ZBTB4: variants seen among roughly 807,000 people sequenced by gnomAD.
The protein encoded by ZBTB4 is zinc finger and BTB domain containing 4.
ZBTB4 carries 14 observed loss-of-function variants against 59.8 expected under a neutral mutation model. That is an observed-to-expected ratio of 0.23 (90% CI 0.15 to 0.37). The LOEUF (loss-of-function observed/expected upper bound fraction) is 0.37. Ranked by LOEUF, ZBTB4 falls within the 10% of genes least tolerant of loss-of-function variation. The pLI is 1.00. For missense variants in ZBTB4, 1,198 were observed against 1,380.8 expected, an observed-to-expected ratio of 0.87 and a Z score of 2.10; for synonymous variants, 587 against 575.2, an observed-to-expected ratio of 1.02 and a Z score of -0.29.
Position 7,463,708 on chromosome 17 carries a change from C to T in ZBTB4, c.1274G>A (p.Arg425Gln), listed in dbSNP as rs2070071062. ...YRLLPMRAAK[R>Q]PYKTYSQGAP... ...TCCCTGGCTGTAGGTCTTGTAGGGC[C>T]GCTTGGCTGCCCGCATGGGGAGCAG... is the stretch of plus-strand genomic sequence containing the variant. The change falls in exon 4 of 4, where the codon CGG (arginine) becomes CAG (glutamine). Residue 425 changes from arginine (R) to glutamine (Q), a missense_variant. Arg to Gln is a conservative substitution (Grantham distance 43, BLOSUM62 1). Around this residue, in one of 9 missense-constraint regions of ZBTB4, gnomAD observed 60 missense variants for 93.0 expected, o/e 0.64. Coordinates refer to ENST00000380599, the MANE Select transcript of ZBTB4 (RefSeq NM_001128833.2). The T allele has an allele frequency of 1.2e-6, 2 of 1,613,918 alleles. No homozygotes were observed. The highest frequency in any genetic ancestry group is 2.2e-5 in the East Asian group (1 of 44,874).
At chr17:7,465,686 T>TC (rs1390195657) in intron 3 of ZBTB4, 25 bp downstream of exon 3, 1 of 1,568,946 alleles carries the variant, frequency 6.4e-7, no homozygotes, top group Non-Finnish European at 8.7e-7. Context: ...CTCCAGCCGC[T>TC]CCCCCGCCAG....
chr17:7,467,966 A>G (rs1158809387), intron 1 of ZBTB4, among the ~76,000 whole-genome samples: 1 of 152,230 alleles, frequency 6.6e-6, no homozygotes, highest in African/African-American at 2.4e-5. Flanking sequence ...CCACAAGACC[A>G]GGAGGCCTGG....
upstream of ZBTB4, chr17:7,484,229 G>C (rs1015718754): frequency 1.3e-5 from 2 of 157,692 alleles, no homozygotes; most frequent in African/African-American, 2.4e-5. Context: ...ACCAGCGAGC[G>C]GGGGGTTTAC....
rs2070119623 is a variant in ZBTB4 at position 7,466,140 on chromosome 17, T to C, written c.662A>G (p.Gln221Arg). 1 of 1,611,898 alleles carries C rather than the reference T, an allele frequency of 6.2e-7. No homozygotes were observed. Among genetic ancestry groups the C allele is most frequent in the Non-Finnish European group, 8.5e-7 (1 of 1,179,224 alleles). The change falls in exon 3 of 4, where the codon CAG becomes CGG. Residue 221 changes from glutamine to arginine, a missense_variant. By Grantham distance (43) the Gln-to-Arg change is conservative. Transcript: ENST00000380599. This position sits in a 1 kb window ranked among gnomAD's most constrained non-coding sequence, Gnocchi z 9.1. ...GEWEGDRAEA[Q>R]APDLQCSLPR... ...CAGGGAGCACTGCAAGTCAGGGGCC[T>C]GGGCCTCAGCCCTGTCACCCTCCCA...
chr17:7,478,288 T>A (rs2070297023), intron 1 of ZBTB4, among the ~76,000 whole-genome samples: 1 of 152,136 alleles, frequency 6.6e-6, no homozygotes, highest in South Asian at 2.1e-4. Flanking sequence ...TAAACACAAC[T>A]GGCGCATTCC....
chr17:7,481,570 G>C, upstream of ZBTB4: 1 of 1,368,200 alleles, frequency 7.3e-7, no homozygotes, highest in South Asian at 1.5e-5. Flanking sequence ...GCTCCTGGTT[G>C]CTCCATTTCC....
chr17:7,465,262 T>A (rs952230262), intron 3 of ZBTB4, among the ~76,000 whole-genome samples: 2 of 149,896 alleles, frequency 1.3e-5, no homozygotes, highest in Non-Finnish European at 3.0e-5. Flanking sequence ...TTCAAGACCA[T>A]CCTGACCAAC....
At position 7,462,182 on chromosome 17, in the gene ZBTB4, A is replaced by G. The variant is rs887392709; in HGVS notation, c.2800T>C (p.Tyr934His). ...LVYGPQLLAA[Y>H]PYNFSNLAAL... ...GCCAAGTTACTGAAGTTGTAAGGGT[A>G]GGCGGCAAGGAGCTGGGGGCCATAG... Residue 934 changes from tyrosine (Y) to histidine (H), a missense_variant, in exon 4 of 4, where the codon TAC becomes CAC. Around this residue, in one of 9 missense-constraint regions of ZBTB4, gnomAD observed 211 missense variants for 236.1 expected, o/e 0.89. Transcript: ENST00000380599. This position sits in a 1 kb window ranked among gnomAD's most constrained non-coding sequence, Gnocchi z 7.5. 3 of 1,613,712 alleles carry G rather than the reference A, an allele frequency of 1.9e-6. No homozygotes were observed. The highest frequency in any genetic ancestry group is 2.5e-6 in the Non-Finnish European group (3 of 1,179,900).
rs772548094 is a variant in ZBTB4 at position 7,462,831 on chromosome 17, C to T, written c.2151G>A (p.Ala717=). The T allele has an allele frequency of 1.6e-5, 25 of 1,603,178 alleles. No individual in the cohort carries two copies. Among genetic ancestry groups the T allele is most frequent in the South Asian group, 4.4e-5 (4 of 91,060 alleles). Residue 717 remains alanine (A), a synonymous_variant, in exon 4 of 4, where the codon GCG becomes GCA. Transcript: ENST00000380599. This position sits in a 1 kb window ranked among gnomAD's most constrained non-coding sequence, Gnocchi z 7.5. Reference sequence around the variant, plus strand: ...GCCTCCGCTCTGTGCGGGCACGTCCCGCTGGGCTCTCGGCCGCTGGGGTTT... The same window carrying T: ...GCCTCCGCTCTGTGCGGGCACGTCCTGCTGGGCTCTCGGCCGCTGGGGTTT... The part of the protein sequence containing the change: ...WEETPAAESP[A]GRARTERRHR...
At chr17:7,481,969 G>T (rs776946079), upstream of ZBTB4, 2 of 1,570,142 alleles carry the variant, frequency 1.3e-6, no homozygotes, top group Non-Finnish European at 1.7e-6. Flanking sequence ...TCTACCCTGA[G>T]CTCCTTTCTC....
At position 7,463,246 on chromosome 17, in the gene ZBTB4, C is replaced by A; in HGVS notation, c.1736G>T (p.Gly579Val). The A allele has an allele frequency of 6.2e-7, 1 of 1,611,932 alleles. No individual in the cohort carries two copies. The highest frequency in any genetic ancestry group is 8.5e-7 in the Non-Finnish European group (1 of 1,179,486). Residue 579 changes from glycine to valine, a missense_variant, in exon 4 of 4, where the codon GGT (glycine) becomes GTT (valine). Gly to Val is a moderately radical substitution (Grantham distance 109, BLOSUM62 -3). This residue lies in a region of ZBTB4 where 550 missense variants were observed against 541.8 expected (regional missense o/e 1.02). Coordinates refer to ENST00000380599, the MANE Select transcript of ZBTB4 (RefSeq NM_001128833.2). ...TYTAKPVGGI[G>V]GGGGPPTGAG... ...CCCTGTGGGGGGACCCCCACCTCCA[C>A]CAATCCCGCCCACTGGCTTGGCTGT...
At chr17:7,481,358 A>G, upstream of ZBTB4, 9 of 1,167,638 alleles carry the variant, frequency 7.7e-6, no homozygotes, top group Non-Finnish European at 8.8e-6. Context: ...AAAGAAAGAA[A>G]AGAAGCAGAG....
chr17:7,463,020 TTCCTCCTCATCCTCC>T lies in ZBTB4; in HGVS notation c.1947_1961del (p.Glu650_Glu654del), dbSNP rs1282683186. ...GCTGGTCCTCCCCACCAGCCTTTGATTCCTCCTCATCCTCCTCCTCCTCCTCTTCGTCCTCCTCCT... is the reference window on the plus strand; with the variant it reads ...GCTGGTCCTCCCCACCAGCCTTTGATTCCTCCTCCTCTTCGTCCTCCTCCT... On this transcript the variant is annotated inframe_deletion, in exon 4 of 4. Transcript: ENST00000380599. 1.2e-6 allele frequency: 2 copies of T among 1,611,350 alleles called. No individual in the cohort carries two copies. The highest frequency in any genetic ancestry group is 1.7e-6 in the Non-Finnish European group (2 of 1,179,610).
At chr17:7,470,087 T>A (rs113621898) in intron 1 of ZBTB4, among the ~76,000 whole-genome samples, 295 of 150,936 alleles carry the variant, frequency 2.0e-3, no homozygotes, top group Non-Finnish European at 2.4e-3. Context: ...TCTCAAAAAA[T>A]AAATAAATAA....
chr17:7,470,275 A>G (rs890747440), intron 1 of ZBTB4, among the ~76,000 whole-genome samples: 2 of 151,868 alleles, frequency 1.3e-5, no homozygotes, highest in East Asian at 1.9e-4. Flanking sequence ...GTGTGCACCT[A>G]TAGTTCCAGC....
Position 7,462,800 on chromosome 17 carries a change from A to G in ZBTB4, c.2182T>C (p.Cys728Arg), listed in dbSNP as rs752630576. The G allele has an allele frequency of 6.2e-7, 1 of 1,602,582 alleles. No individual in the cohort carries two copies. The stretch of plus-strand genomic sequence containing the variant: ...GTGAAGGTCTGGGCACAGTCCCCGC[A>G]TCGGTGCCTCCGCTCTGTGCGGGCA... ...GRARTERRHR[C>R]GDCAQTFTTL... The change falls in exon 4 of 4, where the codon TGC becomes CGC. Residue 728 changes from cysteine (C) to arginine (R), a missense_variant. Physicochemically the swap from Cys to Arg is radical, Grantham distance 180. Around this residue, in one of 9 missense-constraint regions of ZBTB4, gnomAD observed 550 missense variants for 541.8 expected, o/e 1.02. Coordinates refer to ENST00000380599, the MANE Select transcript of ZBTB4 (RefSeq NM_001128833.2). This position sits in a 1 kb window ranked among gnomAD's most constrained non-coding sequence, Gnocchi z 7.5.
chr17:7,469,379 G>A (rs1007249951), intron 1 of ZBTB4, among the ~76,000 whole-genome samples: 23 of 151,782 alleles, frequency 1.5e-4, no homozygotes, highest in African/African-American at 4.4e-4. Flanking sequence ...TGTTAGCCAG[G>A]GTAATCTTGA....
chr17:7,465,639 A>G, intron 3 of ZBTB4, 72 bp downstream of exon 3: 2 of 1,502,606 alleles, frequency 1.3e-6, no homozygotes, highest in Non-Finnish European at 8.9e-7. Flanking sequence ...AGCCCCACCC[A>G]CTGCCGCCCT....
chr17:7,477,765 G>C, intron 1 of ZBTB4, among the ~76,000 whole-genome samples: 1 of 152,128 alleles, frequency 6.6e-6, no homozygotes, highest in East Asian at 1.9e-4. Flanking sequence ...AAAACTTCAC[G>C]TTTCTTTTTT....
Sources: gnomAD v4.1 joint callset for allele counts (sites outside exome capture counted in the v4.1 genomes callset) on GRCh38, gnomAD v4.1.1 for gene constraint, gnomAD v4.1.1 regional missense constraint, Gnocchi (gnomAD v3.1) non-coding constraint, MANE v1.5 for transcripts, NCBI Gene and HGNC (gene_info 2026-07-23, HGNC 2026-07-21) for gene names.